The following PCDH15 variants were observed in gnomAD, a reference collection of about 807,000 sequenced individuals.
The protein encoded by PCDH15 is protocadherin-15.
A neutral mutation model predicts 178.5 loss-of-function variants in PCDH15; 129 were observed. That is an observed-to-expected ratio of 0.72 (90% CI 0.63 to 0.84). The LOEUF is 0.84. PCDH15 is among the 40% of genes least tolerant of loss of function. PCDH15 has a pLI of 0.00. For missense variants in PCDH15, 2,230 were observed against 2,099.9 expected, an observed-to-expected ratio of 1.06 and a Z score of -1.21; for synonymous variants, 800 against 732.0, an observed-to-expected ratio of 1.09 and a Z score of -1.50.
Position 54,694,252 on chromosome 10 carries a change from T to C in PCDH15, c.-28-29962A>G, listed in dbSNP as rs1326405185. ...GGCTTATTCTGTTTAGAAGAATGTA[T>C]AGACATGATCAAATAAATGTTCAGA... On this transcript the variant is annotated intron_variant, in intron 1 of 37. Coordinates refer to ENST00000644397, the MANE Select transcript of PCDH15 (RefSeq NM_001384140.1). 2.6e-5 allele frequency among the ~76,000 whole-genome samples: 4 copies of C among 152,280 alleles called. No homozygotes were observed. In the East Asian group the frequency reaches 7.7e-4, roughly 29 times the overall value.
chr10:53,841,084 T>C (rs2077612416), intron 28 of PCDH15, among the ~76,000 whole-genome samples: 1 of 152,180 alleles, frequency 6.6e-6, no homozygotes, highest in African/African-American at 2.4e-5. Context: ...AAAAACAACA[T>C]ATACCATCTG....
chr10:54,703,282 G>A (rs1016957562), intron 1 of PCDH15, among the ~76,000 whole-genome samples: 3 of 151,990 alleles, frequency 2.0e-5, no homozygotes, highest in Non-Finnish European at 2.9e-5. Flanking sequence ...TACTGAATGA[G>A]CAAAAGCAGG....
At position 54,081,494 on chromosome 10, in the gene PCDH15, G is replaced by A. The variant is rs374111986; in HGVS notation, c.1998-2070C>T. On this transcript the variant is annotated intron_variant, in intron 16 of 37. Coordinates refer to ENST00000644397, the MANE Select transcript of PCDH15 (RefSeq NM_001384140.1). ...TATAGAGGTAGTTTTTATGTAATAC[G>A]CGGGCCTTGCGACTCAGTGTTGTAG... 5.1e-4 allele frequency among the ~76,000 whole-genome samples: 77 copies of A among 152,060 alleles called. No homozygotes were observed. The South Asian group carries it at 0.013, about 27-fold the overall frequency.
chr10:55,482,704 T>G (rs1024908468), intron 2 of PCDH15, among the ~76,000 whole-genome samples: 2 of 151,878 alleles, frequency 1.3e-5, no homozygotes, highest in Non-Finnish European at 2.9e-5. Context: ...TCTGATGGGC[T>G]TCCCTTTGGA....
intron 26 of PCDH15, among the ~76,000 whole-genome samples, chr10:53,900,212 TCTC>T (rs1298054248): frequency 9.2e-5 from 1 of 10,902 alleles, no homozygotes; most frequent in African/African-American, 5.7e-4. Flanking sequence ...CTAAACTTTC[TCTC>T]TCTCTCTCTC....
chr10:55,420,428 A>C (rs1838593090), intron 2 of PCDH15, among the ~76,000 whole-genome samples: 1 of 150,916 alleles, frequency 6.6e-6, no homozygotes, highest in Non-Finnish European at 1.5e-5. Context: ...AGCTGAATTT[A>C]GGGTTATGTT....
At chr10:54,184,034 C>A (rs2048256111) in intron 12 of PCDH15, among the ~76,000 whole-genome samples, 1 of 152,136 alleles carries the variant, frequency 6.6e-6, no homozygotes, top group Non-Finnish European at 1.5e-5. Context: ...CTTTGTATCA[C>A]AGTAATTCAC....
chr10:54,746,297 T>C (rs1218945358), intron 1 of PCDH15, among the ~76,000 whole-genome samples: 3 of 152,108 alleles, frequency 2.0e-5, no homozygotes, highest in African/African-American at 7.2e-5. Context: ...TAATTGTCTG[T>C]TAAGATATAC....
chr10:55,393,064 A>G lies in PCDH15; in HGVS notation c.-155-226413T>C, dbSNP rs1002755440. On this transcript the variant is annotated intron_variant, in intron 2 of 5. Coordinates refer to the PCDH15 transcript ENST00000613346. ...AACTTTTTGTTTTAATGAAAGTCCA[A>G]GGGCTTATGAGTTCAGAGATCATCT... Among the ~76,000 whole-genome samples the G allele has an allele frequency of 3.1e-4, 47 of 151,446 alleles. 1 individual carries two copies. The South Asian group carries it at 3.3e-3, about 11-fold the overall frequency.
At chr10:53,869,301 TACTTAA>T (rs1353029406) in intron 26 of PCDH15, among the ~76,000 whole-genome samples, 4 of 152,164 alleles carry the variant, frequency 2.6e-5, no homozygotes, top group Non-Finnish European at 5.9e-5. Context: ...AAATTTTTTG[TACTTAA>T]ACTTTGAACC....
intron 8 of PCDH15, among the ~76,000 whole-genome samples, chr10:54,267,671 T>C (rs7099893): frequency 0.7 from 106,656 of 151,580 alleles, 38,420 homozygotes; most frequent in Middle Eastern, 0.77. Context: ...ATCCCATTTA[T>C]GAGAGCCACA....
chr10:53,821,227 A>G, intron 32 of PCDH15: 1 of 982,558 alleles, frequency 1.0e-6, no homozygotes, highest in Non-Finnish European at 1.2e-6. Flanking sequence ...CTAAATCCAT[A>G]AGCATACTAC....
At chr10:54,922,865 C>T (rs970651883) in intron 2 of PCDH15, among the ~76,000 whole-genome samples, 23 of 152,118 alleles carry the variant, frequency 1.5e-4, no homozygotes, top group African/African-American at 5.1e-4. Context: ...ATGGATCAAA[C>T]ATTTTGGGGT....
At position 54,926,389 on chromosome 10, in the gene PCDH15, T is replaced by A. The variant is rs572995861; in HGVS notation, c.-79-28889A>T. On this transcript the variant is annotated intron_variant, in intron 2 of 5. Transcript: ENST00000458638. ...GAGTTTTTTAAATCAGTGTTCATAA[T>A]AAATATTGGCCTGAAGTTTTTTTGT... Among the ~76,000 whole-genome samples, 67 of 152,104 alleles carry A rather than the reference T, an allele frequency of 4.4e-4. No individual in the cohort carries two copies. In the South Asian group the frequency reaches 9.7e-3, roughly 22 times the overall value.
At chr10:53,905,013 A>T (rs1033430197) in intron 25 of PCDH15, among the ~76,000 whole-genome samples, 6 of 152,218 alleles carry the variant, frequency 3.9e-5, no homozygotes, top group African/African-American at 1.4e-4. Flanking sequence ...TTTGCAAAGA[A>T]CAAGAACTTT....
intron 2 of PCDH15, among the ~76,000 whole-genome samples, chr10:55,061,569 A>T (rs1354474969): frequency 1.3e-5 from 2 of 152,194 alleles, no homozygotes; most frequent in Non-Finnish European, 2.9e-5. Context: ...CAAAGGAATT[A>T]AAAACTTTCA....
chr10:54,537,996 T>G (rs1201534645), intron 2 of PCDH15, among the ~76,000 whole-genome samples: 1 of 152,184 alleles, frequency 6.6e-6, no homozygotes, highest in Non-Finnish European at 1.5e-5. Flanking sequence ...TTTAAGTTTC[T>G]TATAGATTCT....
chr10:53,868,406 G>T (rs138517873), intron 26 of PCDH15, among the ~76,000 whole-genome samples: 54 of 151,948 alleles, frequency 3.6e-4, no homozygotes, highest in African/African-American at 1.1e-3. Flanking sequence ...AAAAACTGAG[G>T]AATATATTGT....
intron 15 of PCDH15, among the ~76,000 whole-genome samples, chr10:54,125,946 A>G (rs893986164): frequency 1.3e-5 from 2 of 151,994 alleles, no homozygotes; most frequent in African/African-American, 4.8e-5. Context: ...CCTCTTTTAC[A>G]TTTCATTTTT....
Sources: allele counts gnomAD v4.1 joint callset (sites outside exome capture counted in the v4.1 genomes callset), GRCh38; gene constraint gnomAD v4.1.1; transcripts MANE v1.5; gene names NCBI Gene and HGNC (gene_info 2026-07-23, HGNC 2026-07-21).